Variants in USH2A observed in about 807,000 individuals in gnomAD.
The protein encoded by USH2A is usherin, also known as Usher syndrome 2A (autosomal recessive, mild).
In USH2A, 443 loss-of-function variants were observed where a neutral mutation model predicts 538.9. That is an observed-to-expected ratio of 0.82 (90% CI 0.76 to 0.89). The LOEUF is 0.89. USH2A is among the 40% of genes least tolerant of loss of function. USH2A has a pLI of 0.00. For synonymous variants in USH2A, 2,413 were observed against 2,273.5 expected (o/e 1.06, Z -1.75); for missense variants, 6,633 against 6,324.8 (o/e 1.05, Z -1.65).
At chr1:216,021,548 C>T (rs937617127) in intron 32 of USH2A, among the ~76,000 whole-genome samples, 4 of 152,106 alleles carry the variant, frequency 2.6e-5, no homozygotes, top group African/African-American at 9.7e-5. Flanking sequence ...TGAGAACAGA[C>T]TAATACGTGC....
intron 3 of USH2A, among the ~76,000 whole-genome samples, chr1:216,389,382 A>G (rs1043267084): frequency 1.3e-5 from 2 of 152,188 alleles, no homozygotes; most frequent in Non-Finnish European, 2.9e-5. Flanking sequence ...CAGTCCTTCT[A>G]TGATGTTGTT....
chr1:215,882,296 G>C (rs1168949574), intron 41 of USH2A, among the ~76,000 whole-genome samples: 3 of 152,040 alleles, frequency 2.0e-5, no homozygotes, highest in Non-Finnish European at 4.4e-5. Flanking sequence ...GTCAATAGAA[G>C]ATAAAAATGT....
At chr1:216,351,380 G>C (rs1275857378) in intron 4 of USH2A, among the ~76,000 whole-genome samples, 2 of 152,124 alleles carry the variant, frequency 1.3e-5, no homozygotes, top group Non-Finnish European at 2.9e-5. Context: ...TCAGCCTGAT[G>C]GATATCAGGA....
intron 30 of USH2A, among the ~76,000 whole-genome samples, chr1:216,065,996 T>C (rs1236723393): frequency 1.3e-5 from 2 of 152,098 alleles, no homozygotes; most frequent in African/African-American, 4.8e-5. Context: ...ATTAAAAAAC[T>C]AATCTCTCTA....
intron 11 of USH2A, among the ~76,000 whole-genome samples, chr1:216,280,779 T>C (rs1315462627): frequency 6.6e-6 from 1 of 152,136 alleles, no homozygotes; most frequent in Non-Finnish European, 1.5e-5. Flanking sequence ...AAATGACAAG[T>C]GCCAAAGGGA....
At chr1:215,638,790 A>C (rs1252316501) in intron 69 of USH2A, among the ~76,000 whole-genome samples, 3 of 151,842 alleles carry the variant, frequency 2.0e-5, no homozygotes, top group Admixed American at 6.6e-5. Flanking sequence ...CAGCCTGGCT[A>C]ACAAGGTGAA....
intron 3 of USH2A, among the ~76,000 whole-genome samples, chr1:216,388,551 T>C (rs1022899237): frequency 5.3e-5 from 8 of 152,230 alleles, no homozygotes; most frequent in Non-Finnish European, 1.0e-4. Context: ...ACTCGGAAGA[T>C]GAATTTTTGT....
At chr1:215,722,541 T>A (rs1659692009) in intron 61 of USH2A, among the ~76,000 whole-genome samples, 1 of 152,228 alleles carries the variant, frequency 6.6e-6, no homozygotes, top group Admixed American at 6.5e-5. Flanking sequence ...TTTTGCCACA[T>A]ATCTACTTAA....
chr1:215,678,463 G>C (rs984293389), intron 62 of USH2A, among the ~76,000 whole-genome samples: 1 of 152,102 alleles, frequency 6.6e-6, no homozygotes, highest in African/African-American at 2.4e-5. Flanking sequence ...ATTTTGTCTG[G>C]AACATTTTGC....
intron 43 of USH2A, among the ~76,000 whole-genome samples, chr1:215,867,930 G>C (rs546465315): frequency 6.6e-6 from 1 of 152,052 alleles, no homozygotes. Context: ...AGACCATCAG[G>C]CTTCCTTTGC....
chr1:216,126,382 C>T (rs1232277632), intron 21 of USH2A, among the ~76,000 whole-genome samples: 1 of 152,052 alleles, frequency 6.6e-6, no homozygotes, highest in African/African-American at 2.4e-5. Flanking sequence ...TGGCACTATG[C>T]CTGGCTAATT....
At chr1:215,973,859 T>C (rs965949653) in intron 35 of USH2A, among the ~76,000 whole-genome samples, 3 of 151,902 alleles carry the variant, frequency 2.0e-5, no homozygotes, top group African/African-American at 7.2e-5. Context: ...TTAATTCAAC[T>C]GCTCAAAAAC....
At chr1:215,752,022 T>G (rs759358245) in intron 58 of USH2A, among the ~76,000 whole-genome samples, 13 of 152,114 alleles carry the variant, frequency 8.5e-5, no homozygotes, top group Admixed American at 2.0e-4. Context: ...GATGCAGTCT[T>G]TGGAAAATAT....
intron 3 of USH2A, among the ~76,000 whole-genome samples, chr1:216,393,654 A>G (rs2039151086): frequency 6.6e-6 from 1 of 152,176 alleles, no homozygotes; most frequent in Non-Finnish European, 1.5e-5. Context: ...AATATTATGC[A>G]AGTCTTCTCA....
At chr1:215,643,951 A>T (rs1039673105) in intron 67 of USH2A, among the ~76,000 whole-genome samples, 1 of 152,250 alleles carries the variant, frequency 6.6e-6, no homozygotes, top group South Asian at 2.1e-4. Flanking sequence ...AAGCTCACCT[A>T]GCTGTTCTCT....
intron 9 of USH2A, among the ~76,000 whole-genome samples, chr1:216,306,111 A>G (rs554087094): frequency 6.6e-6 from 1 of 152,240 alleles, no homozygotes; most frequent in East Asian, 1.9e-4. Context: ...AGATTTTCCA[A>G]ACGTTTAGAT....
At chr1:215,728,463 T>G in intron 60 of USH2A, 79 bp from the exon 61 acceptor site, 1 of 1,388,152 alleles carries the variant, frequency 7.2e-7, no homozygotes, top group South Asian at 1.2e-5. Context: ...AAAACATTTT[T>G]TTTAGAATTT....
At chr1:216,052,529 T>C (rs2102530462) in intron 30 of USH2A, among the ~76,000 whole-genome samples, 1 of 152,278 alleles carries the variant, frequency 6.6e-6, no homozygotes, top group South Asian at 2.1e-4. Flanking sequence ...CAGTAGGGAA[T>C]CTTGTTCATC....
chr1:216,399,119 C>T (rs2039265073), intron 3 of USH2A, among the ~76,000 whole-genome samples: 1 of 152,158 alleles, frequency 6.6e-6, no homozygotes, highest in Non-Finnish European at 1.5e-5. Flanking sequence ...GACTAGTCAG[C>T]ACATTACATT....
Sources: gnomAD v4.1 joint callset for allele counts (sites outside exome capture counted in the v4.1 genomes callset) on GRCh38, gnomAD v4.1.1 for gene constraint, MANE v1.5 for transcripts, NCBI Gene and HGNC (gene_info 2026-07-23, HGNC 2026-07-21) for gene names.